Variants in FOXL1 observed in about 807,000 individuals in gnomAD.
FOXL1 encodes forkhead box L1.
FOXL1 carries 2 observed loss-of-function variants against 1.7 expected under a neutral mutation model. The observed-to-expected ratio is 1.21, with a 90% CI of 0.49 to 3.80. FOXL1 has a LOEUF of 3.80. FOXL1 is among the 30% of genes most tolerant of loss of function. The pLI, the probability that FOXL1 is intolerant of heterozygous loss-of-function variation, is 0.07. For missense variants in FOXL1, 565 were observed against 495.8 expected, an observed-to-expected ratio of 1.14 and a Z score of -1.32; for synonymous variants, 280 against 229.3, an observed-to-expected ratio of 1.22 and a Z score of -2.00.
Position 86,582,985 on chromosome 16 carries a change from C to A in FOXL1, c.*3224C>A, listed in dbSNP as rs1347685289. ...TCCCTCCGTTCACAAGGACAGAGAA[C>A]TTTACAAAGGACTCTTGCTCTGCCT... is the stretch of plus-strand genomic sequence containing the variant. On this transcript the variant is annotated 3_prime_UTR_variant, in exon 1 of 1. Transcript: ENST00000320241. 6.7e-6 allele frequency among the ~76,000 whole-genome samples: 1 copy of A among 149,910 alleles called. No individual in the cohort carries two copies. The highest frequency in any genetic ancestry group is 2.5e-5 in the African/African-American group (1 of 40,496).
rs1049872021 is a variant in FOXL1, at chr16:86,579,910, G to C, written c.*149G>C. 1.8e-5 allele frequency: 14 copies of C among 789,006 alleles called. No homozygotes were observed. The highest frequency in any genetic ancestry group is 2.7e-5 in the East Asian group (1 of 37,334). 48.9% of individuals were successfully genotyped at this position (789,006 alleles called of 1,614,324 possible). On this transcript the variant is annotated 3_prime_UTR_variant, in exon 1 of 1. Transcript: ENST00000320241. ...AAGTGTTACCAACCATTGCGCGCAG[G>C]TGGGCGCGCTCGCCTGCCTTCTCCG...
At position 86,579,101 on chromosome 16, in the gene FOXL1, C is replaced by T. The variant is rs766315027; in HGVS notation, c.378C>T (p.Asp126=). The change falls in exon 1 of 1, where the codon GAC becomes GAT. Residue 126 remains aspartate, a synonymous_variant. Coordinates refer to ENST00000320241, the MANE Select transcript of FOXL1 (RefSeq NM_005250.3). ...GCAAGGGCAGCTACTGGACGCTGGA[C>T]CCCCGCTGCCTGGACATGTTTGAGA... ...RPGKGSYWTL[D]PRCLDMFENG... The T allele has an allele frequency of 1.9e-6, 3 of 1,614,004 alleles. No homozygotes were observed. The highest frequency in any genetic ancestry group is 2.2e-5 in the South Asian group (2 of 91,084).
At position 86,581,931 on chromosome 16, in the gene FOXL1, C is replaced by T. The variant is rs775699920; in HGVS notation, c.*2170C>T. The T allele has an allele frequency of 2.0e-5, 3 of 152,416 alleles. No homozygotes were observed. The highest frequency in any genetic ancestry group is 4.4e-5 in the Non-Finnish European group (3 of 68,022). The allele number at this position is 152,416 out of a possible 1,614,324, so 9.4% of individuals were successfully genotyped here. Reference sequence around the variant, plus strand: ...CGTATTGAATCGGTTTTTAATCTTTCCTTTTTCTTTTTTGTGTTTGTATGT... The same window carrying T: ...CGTATTGAATCGGTTTTTAATCTTTTCTTTTTCTTTTTTGTGTTTGTATGT... On this transcript the variant is annotated 3_prime_UTR_variant, in exon 1 of 1. Coordinates refer to ENST00000320241, the MANE Select transcript of FOXL1 (RefSeq NM_005250.3).
chr16:86,578,999 C>T lies in FOXL1; in HGVS notation c.276C>T (p.Gly92=). 6.2e-7 allele frequency: 1 copy of T among 1,614,118 alleles called. No homozygotes were observed. Among genetic ancestry groups the T allele is most frequent in the Non-Finnish European group, 8.5e-7 (1 of 1,179,982 alleles). The stretch of plus-strand genomic sequence containing the variant: ...CCTTCTACCACGACAACCGGCAGGG[C>T]TGGCAGAACAGCATCCGCCACAACC... ...RFPFYHDNRQ[G]WQNSIRHNLS... Residue 92 remains glycine (G), a synonymous_variant, in exon 1 of 1, where the codon GGC becomes GGT. Transcript: ENST00000320241.
rs1009791571 is a variant in FOXL1 at position 86,581,684 on chromosome 16, T to C, written c.*1923T>C. Reference sequence around the variant, plus strand: ...CAGCCTCTGTGAATAAAGTTGTTTTTTCATTAACCTCTCAGTGACTGGTTC... The same window carrying C: ...CAGCCTCTGTGAATAAAGTTGTTTTCTCATTAACCTCTCAGTGACTGGTTC... On this transcript the variant is annotated 3_prime_UTR_variant, in exon 1 of 1. Coordinates refer to ENST00000320241, the MANE Select transcript of FOXL1 (RefSeq NM_005250.3). 3 of 167,092 alleles carry C rather than the reference T, an allele frequency of 1.8e-5. No individual in the cohort carries two copies. Among genetic ancestry groups the C allele is most frequent in the Non-Finnish European group, 2.9e-5 (2 of 68,134 alleles). The allele number at this position is 167,092 out of a possible 1,614,324, so 10.4% of individuals were successfully genotyped here. A position where few individuals can be genotyped will look rare whatever the true frequency, so the allele number is the denominator to read the frequency against.
rs1180797667 is a variant in FOXL1, at chr16:86,578,839, C to G, written c.116C>G (p.Ala39Gly). ...GCCTTCGCCCCCGCGGCTGCTCTAG[C>G]TGCCTCGGGCCGGGCCGAGACCCCG... ...PLAFAPAAAL[A>G]ASGRAETPQK... Residue 39 changes from alanine (A) to glycine (G), a missense_variant, in exon 1 of 1, where the codon GCT becomes GGT. Coordinates refer to ENST00000320241, the MANE Select transcript of FOXL1 (RefSeq NM_005250.3). The G allele has an allele frequency of 1.9e-6, 3 of 1,613,634 alleles. No individual in the cohort carries two copies. Among genetic ancestry groups the G allele is most frequent in the African/African-American group, 2.7e-5 (2 of 74,938 alleles).
At position 86,580,463 on chromosome 16, in the gene FOXL1, CAT is replaced by C. The variant is rs1444460025; in HGVS notation, c.*703_*704del. On this transcript the variant is annotated 3_prime_UTR_variant, in exon 1 of 1. Coordinates refer to ENST00000320241, the MANE Select transcript of FOXL1 (RefSeq NM_005250.3). ...ATTTCTTTCTGGGTAGTAAAAAGAA[CAT>C]GTTTCATTCTTTGCATAAATACTTG... The C allele has an allele frequency of 6.0e-6, 1 of 167,018 alleles. No homozygotes were observed. The highest frequency in any genetic ancestry group is 2.4e-5 in the African/African-American group (1 of 41,452). 10.3% of individuals were successfully genotyped at this position (167,018 alleles called of 1,614,324 possible).
In FOXL1 at chr16:86,583,311, C is replaced by G. The variant is rs1006349695; in HGVS notation, c.*3550C>G. 6.6e-6 allele frequency among the ~76,000 whole-genome samples: 1 copy of G among 151,872 alleles called. No homozygotes were observed. Among genetic ancestry groups the G allele is most frequent in the Non-Finnish European group, 1.5e-5 (1 of 68,004 alleles). The stretch of plus-strand genomic sequence containing the variant: ...TGACGTTTCCAGTAACCAGCTGCAC[C>G]CAGGAGTGAGAAAATAAGGGGAGAG... On this transcript the variant is annotated 3_prime_UTR_variant, in exon 1 of 1. Transcript: ENST00000320241.
rs927425938 is a variant in FOXL1 at position 86,580,272 on chromosome 16, T to G, written c.*511T>G. On this transcript the variant is annotated 3_prime_UTR_variant, in exon 1 of 1. Coordinates refer to ENST00000320241, the MANE Select transcript of FOXL1 (RefSeq NM_005250.3). ...GGGTGGTGGGTGGTCACAGCTGGGT[T>G]TGTTCCTGACTTGAAGTTGTGGAGG... 1 of 168,830 alleles carries G rather than the reference T, an allele frequency of 5.9e-6. No individual in the cohort carries two copies. Among genetic ancestry groups the G allele is most frequent in the East Asian group, 1.9e-4 (1 of 5,226 alleles). The allele number at this position is 168,830 out of a possible 1,614,324, so 10.5% of individuals were successfully genotyped here.
rs1974368463 is a variant in FOXL1, at chr16:86,578,653, C to G, written c.-71C>G. ...TGGCTCCCCGGGAGGGCCCTTGCGG[C>G]GCGGGGCGCAGTGCCTAGGCCGCCC... On this transcript the variant is annotated 5_prime_UTR_variant, in exon 1 of 1. Coordinates refer to ENST00000320241, the MANE Select transcript of FOXL1 (RefSeq NM_005250.3). 18 of 1,407,160 alleles carry G rather than the reference C, an allele frequency of 1.3e-5. No individual in the cohort carries two copies. In the South Asian group the frequency reaches 2.5e-4, roughly 20 times the overall value. 87.2% of individuals were successfully genotyped at this position (1,407,160 alleles called of 1,614,324 possible).
rs1974432554 is a variant in FOXL1 at position 86,583,115 on chromosome 16, A to G, written c.*3354A>G. The stretch of plus-strand genomic sequence containing the variant: ...GAATAGGACCTTCTTAGCCATTTTC[A>G]GATTTAATTGTGCCCGTTTGAATGG... On this transcript the variant is annotated 3_prime_UTR_variant, in exon 1 of 1. Coordinates refer to ENST00000320241, the MANE Select transcript of FOXL1 (RefSeq NM_005250.3). Among the ~76,000 whole-genome samples, 1 of 151,440 alleles carries G rather than the reference A, an allele frequency of 6.6e-6. No homozygotes were observed. The highest frequency in any genetic ancestry group is 6.6e-5 in the Admixed American group (1 of 15,158).
chr16:86,578,561 G>A lies in FOXL1; in HGVS notation c.-163G>A, dbSNP rs1166706019. 2 of 597,468 alleles carry A rather than the reference G, an allele frequency of 3.3e-6. No homozygotes were observed. Among genetic ancestry groups the A allele is most frequent in the African/African-American group, 1.9e-5 (1 of 53,660 alleles). 37.0% of individuals were successfully genotyped at this position (597,468 alleles called of 1,614,324 possible). On this transcript the variant is annotated 5_prime_UTR_variant, in exon 1 of 1. Transcript: ENST00000320241. ...ACAACAATTATTTAACATTTTTAAA[G>A]CCATGAAGAAGGGACAGAGCACGGA...
rs1974426558 is a variant in FOXL1, at chr16:86,582,583, C to T, written c.*2822C>T. 6.6e-6 allele frequency among the ~76,000 whole-genome samples: 1 copy of T among 151,988 alleles called. No homozygotes were observed. The highest frequency in any genetic ancestry group is 2.4e-5 in the African/African-American group (1 of 41,350). ...GATCATAATGAGGATATGGCAGGCACATGTTTGATAACAAAGTGTGTATAC... is the reference window on the plus strand; with the variant it reads ...GATCATAATGAGGATATGGCAGGCATATGTTTGATAACAAAGTGTGTATAC... On this transcript the variant is annotated 3_prime_UTR_variant, in exon 1 of 1. Coordinates refer to ENST00000320241, the MANE Select transcript of FOXL1 (RefSeq NM_005250.3).
Position 86,583,406 on chromosome 16 carries a change from A to G in FOXL1, c.*3645A>G, listed in dbSNP as rs1443472136. ...GTTTCCATGAAATAAAGGTTGTTTCATAGAATGAAAAACATAAATGATAAA... is the reference window on the plus strand; with the variant it reads ...GTTTCCATGAAATAAAGGTTGTTTCGTAGAATGAAAAACATAAATGATAAA... On this transcript the variant is annotated 3_prime_UTR_variant, in exon 1 of 1. Coordinates refer to ENST00000320241, the MANE Select transcript of FOXL1 (RefSeq NM_005250.3). Among the ~76,000 whole-genome samples the G allele has an allele frequency of 1.3e-5, 2 of 152,228 alleles. No homozygotes were observed. Among genetic ancestry groups the G allele is most frequent in the Admixed American group, 6.5e-5 (1 of 15,286 alleles).
rs936386493 is a variant in FOXL1 at position 86,582,065 on chromosome 16, A to G, written c.*2304A>G. The G allele has an allele frequency of 2.0e-5, 3 of 152,296 alleles. No homozygotes were observed. The highest frequency in any genetic ancestry group is 2.1e-4 in the South Asian group (1 of 4,832). The allele number at this position is 152,296 out of a possible 1,614,324, so 9.4% of individuals were successfully genotyped here. ...TTTTAAAGTTACTATTCCAAAAAGTATTGTACGAATGTTACTTTTATGACA... is the reference window on the plus strand; with the variant it reads ...TTTTAAAGTTACTATTCCAAAAAGTGTTGTACGAATGTTACTTTTATGACA... On this transcript the variant is annotated 3_prime_UTR_variant, in exon 1 of 1. Coordinates refer to ENST00000320241, the MANE Select transcript of FOXL1 (RefSeq NM_005250.3).
rs970136803 is a variant in FOXL1 at position 86,579,988 on chromosome 16, C to G, written c.*227C>G. 3 of 593,932 alleles carry G rather than the reference C, an allele frequency of 5.1e-6. No individual in the cohort carries two copies. The highest frequency in any genetic ancestry group is 9.2e-6 in the Non-Finnish European group (3 of 325,134). The allele number at this position is 593,932 out of a possible 1,614,324, so 36.8% of individuals were successfully genotyped here. On this transcript the variant is annotated 3_prime_UTR_variant, in exon 1 of 1. Transcript: ENST00000320241. ...CAGCTACGGAGACTTAAAAGATCCCCGCGGGGTCGTGGGCACCGCACGTGG... is the reference window on the plus strand; with the variant it reads ...CAGCTACGGAGACTTAAAAGATCCCGGCGGGGTCGTGGGCACCGCACGTGG...
Position 86,578,731 on chromosome 16 carries a change from A to T in FOXL1, c.8A>T (p.His3Leu), listed in dbSNP as rs1974370054. 5.6e-6 allele frequency: 9 copies of T among 1,602,220 alleles called. No homozygotes were observed. The highest frequency in any genetic ancestry group is 7.7e-6 in the Non-Finnish European group (9 of 1,171,896). The part of the protein sequence containing the change: MS[H>L]LFDPRLPALA... Reference sequence around the variant, plus strand: ...CGCAGGCTCTCGCTTGCCATGAGTCACCTCTTCGATCCCCGGCTGCCTGCC... The same window carrying T: ...CGCAGGCTCTCGCTTGCCATGAGTCTCCTCTTCGATCCCCGGCTGCCTGCC... The change falls in exon 1 of 1, where the codon CAC becomes CTC. Residue 3 changes from histidine (H) to leucine (L), a missense_variant. His to Leu is a moderately conservative substitution (Grantham distance 99). Transcript: ENST00000320241.
chr16:86,579,817 A>G lies in FOXL1; in HGVS notation c.*56A>G, dbSNP rs1225148822. The G allele has an allele frequency of 6.8e-7, 1 of 1,466,214 alleles. No homozygotes were observed. The highest frequency in any genetic ancestry group is 9.5e-7 in the Non-Finnish European group (1 of 1,055,716). The allele number at this position is 1,466,214 out of a possible 1,614,324, so 90.8% of individuals were successfully genotyped here. On this transcript the variant is annotated 3_prime_UTR_variant, in exon 1 of 1. Coordinates refer to ENST00000320241, the MANE Select transcript of FOXL1 (RefSeq NM_005250.3). ...CCAGCCTGAGCCTCCGCTGAGCGAA[A>G]GGCCACAGCTCCCACCGGCGGAGGA...
chr16:86,579,921 C>A lies in FOXL1; in HGVS notation c.*160C>A, dbSNP rs556936069. On this transcript the variant is annotated 3_prime_UTR_variant, in exon 1 of 1. Coordinates refer to ENST00000320241, the MANE Select transcript of FOXL1 (RefSeq NM_005250.3). The stretch of plus-strand genomic sequence containing the variant: ...ACCATTGCGCGCAGGTGGGCGCGCT[C>A]GCCTGCCTTCTCCGAAGCAAACTTT... The A allele has an allele frequency of 6.1e-5, 43 of 709,898 alleles. No individual in the cohort carries two copies. In the African/African-American group the frequency reaches 7.4e-4, roughly 12 times the overall value. 44.0% of individuals were successfully genotyped at this position (709,898 alleles called of 1,614,324 possible).
Sources: allele counts gnomAD v4.1 joint callset (sites outside exome capture counted in the v4.1 genomes callset), GRCh38; gene constraint gnomAD v4.1.1; transcripts MANE v1.5; gene names NCBI Gene and HGNC (gene_info 2026-07-23, HGNC 2026-07-21).